The following TBCK variants were observed in gnomAD, a reference collection of about 807,000 sequenced individuals.
TBCK encodes TBC domain-containing protein kinase-like protein.
Under a neutral mutation model 113.4 loss-of-function variants are expected in TBCK, and 99 were observed. The observed-to-expected ratio is 0.87, with a 90% CI of 0.74 to 1.03. TBCK has a LOEUF of 1.03. TBCK is among the 50% of genes least tolerant of loss of function. The probability of loss-of-function intolerance (pLI) is 0.00; values close to 1 mark genes in which losing one functional copy is unlikely to be tolerated. For missense variants in TBCK, 1,045 were observed against 1,061.3 expected, an observed-to-expected ratio of 0.98 and a Z score of 0.21; for synonymous variants, 369 against 370.8, an observed-to-expected ratio of 1.00 and a Z score of 0.05.
At chr4:106,068,899 C>G (rs1486470252) in intron 25 of TBCK, among the ~76,000 whole-genome samples, 1 of 152,146 alleles carries the variant, frequency 6.6e-6, no homozygotes, top group Non-Finnish European at 1.5e-5. Flanking sequence ...GACCAGTGAT[C>G]ATGAGCATTT....
At chr4:106,252,138 T>C in intron 5 of TBCK, 131 bp from the exon 6 acceptor site, 2 of 655,664 alleles carry the variant, frequency 3.1e-6, no homozygotes, top group Non-Finnish European at 4.8e-6. Context: ...CTAGAAAGCA[T>C]TCTAAACTAA....
chr4:106,287,958 T>C (rs762522514), intron 3 of TBCK, among the ~76,000 whole-genome samples: 2 of 152,162 alleles, frequency 1.3e-5, no homozygotes, highest in African/African-American at 2.4e-5. Flanking sequence ...AGGTAACTTG[T>C]TAAGCAATAA....
intron 23 of TBCK, among the ~76,000 whole-genome samples, chr4:106,147,974 G>GC (rs1294476870): frequency 2.0e-5 from 3 of 152,138 alleles, no homozygotes; most frequent in African/African-American, 7.2e-5. Flanking sequence ...CTCTGAACTG[G>GC]CCCCCCTGGG....
chr4:106,074,257 C>T (rs547324445), intron 25 of TBCK, among the ~76,000 whole-genome samples: 35 of 152,284 alleles, frequency 2.3e-4, no homozygotes, highest in Admixed American at 2.2e-3. Flanking sequence ...AGACCTCCAA[C>T]ATAGTACATT....
chr4:106,298,987 CTGTGATATCTT>C (rs1766631755), intron 2 of TBCK, among the ~76,000 whole-genome samples: 1 of 152,102 alleles, frequency 6.6e-6, no homozygotes, highest in Non-Finnish European at 1.5e-5. Flanking sequence ...GGGGGGCCTA[CTGTGATATCTT>C]TTTTCCTATC....
At chr4:106,115,388 T>A (rs1235448485) in intron 24 of TBCK, among the ~76,000 whole-genome samples, 1 of 152,180 alleles carries the variant, frequency 6.6e-6, no homozygotes, top group African/African-American at 2.4e-5. Flanking sequence ...CACAGGATAC[T>A]CAACCTGTAT....
At chr4:106,145,042 A>G (rs6810877) in intron 23 of TBCK, among the ~76,000 whole-genome samples, 33,294 of 142,704 alleles carry the variant, frequency 0.23, 3,958 homozygotes, top group South Asian at 0.28. Flanking sequence ...AAAAAAGGCC[A>G]GGTGCGGTGG....
At chr4:106,225,803 TAC>T (rs1378406166) in intron 19 of TBCK, among the ~76,000 whole-genome samples, 2 of 151,496 alleles carry the variant, frequency 1.3e-5, no homozygotes, top group East Asian at 3.9e-4. Context: ...TTGTGTACAC[TAC>T]AGTCTCTAAT....
At chr4:106,279,332 C>A (rs768366421) in intron 3 of TBCK, among the ~76,000 whole-genome samples, 1 of 151,952 alleles carries the variant, frequency 6.6e-6, no homozygotes, top group African/African-American at 2.4e-5. Flanking sequence ...TGTGCATATA[C>A]AATAGATACA....
chr4:106,189,930 T>C (rs563901647), intron 22 of TBCK, among the ~76,000 whole-genome samples: 2 of 152,104 alleles, frequency 1.3e-5, no homozygotes, highest in Non-Finnish European at 2.9e-5. Context: ...GTCTACAAGA[T>C]TTTCCTCTCT....
At chr4:106,248,449 G>A (rs1251547082) in intron 8 of TBCK, 143 bp from the exon 9 acceptor site, 1 of 574,184 alleles carries the variant, frequency 1.7e-6, no homozygotes, top group African/African-American at 2.0e-5. Context: ...CTGTGAAAAA[G>A]CAAATACTTA....
intron 23 of TBCK, among the ~76,000 whole-genome samples, chr4:106,152,838 C>T (rs943744456): frequency 1.3e-5 from 2 of 151,948 alleles, no homozygotes; most frequent in African/African-American, 4.8e-5. Context: ...ATTTGTCCAC[C>T]TCTTCTAGAT....
chr4:106,183,049 T>G (rs900720657), intron 22 of TBCK, among the ~76,000 whole-genome samples: 2 of 152,068 alleles, frequency 1.3e-5, no homozygotes, highest in Non-Finnish European at 2.9e-5. Context: ...TTCTAAAATA[T>G]TAGAAATCTC....
chr4:106,190,268 C>T (rs1046471452), intron 22 of TBCK, among the ~76,000 whole-genome samples: 1 of 152,068 alleles, frequency 6.6e-6, no homozygotes, highest in Non-Finnish European at 1.5e-5. Context: ...AAATTGTTTC[C>T]CATTTATATA....
intron 22 of TBCK, among the ~76,000 whole-genome samples, chr4:106,173,941 C>G (rs902078564): frequency 6.6e-6 from 1 of 152,068 alleles, no homozygotes; most frequent in African/African-American, 2.4e-5. Flanking sequence ...AATTAAAGCT[C>G]CATGAGGTAT....
chr4:106,268,871 T>C (rs937921250), intron 3 of TBCK, among the ~76,000 whole-genome samples: 11 of 152,100 alleles, frequency 7.2e-5, no homozygotes, highest in South Asian at 4.1e-4. Flanking sequence ...GTTGCTGAGA[T>C]AGATTTGGAA....
At chr4:106,072,394 T>C (rs1009013519) in intron 25 of TBCK, among the ~76,000 whole-genome samples, 3 of 152,210 alleles carry the variant, frequency 2.0e-5, no homozygotes, top group Non-Finnish European at 4.4e-5. Flanking sequence ...GGTTGAAAAT[T>C]CTTTTCTTTG....
chr4:106,236,957 T>C (rs1398392481), intron 12 of TBCK, 149 bp from the exon 13 acceptor site: 1 of 427,620 alleles, frequency 2.3e-6, no homozygotes, highest in Non-Finnish European at 4.1e-6. Flanking sequence ...GTTCTTACCA[T>C]AAACATGCAA....
chr4:106,236,662 T>C, intron 13 of TBCK, 97 bp downstream of exon 13: 1 of 1,037,768 alleles, frequency 9.6e-7, no homozygotes, highest in Non-Finnish European at 1.3e-6. Flanking sequence ...TTATTTTCTA[T>C]TTAGGAAACA....
Sources: allele counts gnomAD v4.1 joint callset (sites outside exome capture counted in the v4.1 genomes callset), GRCh38; gene constraint gnomAD v4.1.1; transcripts MANE v1.5; gene names NCBI Gene and HGNC (gene_info 2026-07-23, HGNC 2026-07-21).